Variants in TIPRL observed in about 807,000 individuals in gnomAD.
The protein encoded by TIPRL is TOR signaling pathway regulator, also known as TIP41-like protein.
In TIPRL, 10 loss-of-function variants were observed where a neutral mutation model predicts 32.3. The ratio of observed to expected loss-of-function variants is 0.31; its 90% CI spans 0.19 to 0.52. TIPRL has a LOEUF of 0.52. TIPRL is among the 20% of genes least tolerant of loss of function. TIPRL has a pLI of 0.96. For synonymous variants in TIPRL, 100 were observed against 114.0 expected, an observed-to-expected ratio of 0.88 and a Z score of 0.78; for missense variants, 250 against 328.1, an observed-to-expected ratio of 0.76 and a Z score of 1.84.
intron 1 of TIPRL, among the ~76,000 whole-genome samples, chr1:168,181,360 C>A (rs948172957): frequency 6.6e-6 from 1 of 151,412 alleles, no homozygotes; most frequent in Non-Finnish European, 1.5e-5. Context: ...TACAGGCATG[C>A]ATCACCACGC....
At chr1:168,198,794 G>C (rs1467311082) in intron 5 of TIPRL, 125 bp from the exon 6 acceptor site, 3 of 756,094 alleles carry the variant, frequency 4.0e-6, no homozygotes, top group Non-Finnish European at 6.6e-6. Context: ...AGAACAAGAT[G>C]TTCTCTTTAG....
chr1:168,184,092 G>T lies in TIPRL; in HGVS notation c.284+11G>T. On this transcript the variant is annotated intron_variant, in intron 2 of 6. Coordinates refer to ENST00000367833, the MANE Select transcript of TIPRL (RefSeq NM_152902.5). ...GTGGCAAGAAAGCAGGTGAGAATCC[G>T]GTCAATTAGGTTAAACAAAAAAGGT... 6.3e-7 allele frequency: 1 copy of T among 1,591,414 alleles called. No homozygotes were observed. Among genetic ancestry groups the T allele is most frequent in the South Asian group, 1.1e-5 (1 of 88,540 alleles).
At chr1:168,197,294 A>G (rs1307085845) in intron 5 of TIPRL, among the ~76,000 whole-genome samples, 1 of 152,078 alleles carries the variant, frequency 6.6e-6, no homozygotes, top group African/African-American at 2.4e-5. Flanking sequence ...AAAGAAAAAA[A>G]AAAAAAAGAA....
At position 168,184,084 on chromosome 1, in the gene TIPRL, G is replaced by A; in HGVS notation, c.284+3G>A. The A allele has an allele frequency of 6.2e-7, 1 of 1,602,224 alleles. No individual in the cohort carries two copies. The highest frequency in any genetic ancestry group is 8.5e-7 in the Non-Finnish European group (1 of 1,171,078). ...GCTGAAGAGTGGCAAGAAAGCAGGT[G>A]AGAATCCGGTCAATTAGGTTAAACA... On this transcript the variant is annotated splice_donor_region_variant and intron_variant, in intron 2 of 6. Transcript: ENST00000367833.
chr1:168,182,696 T>G (rs1252559386), intron 1 of TIPRL, among the ~76,000 whole-genome samples: 1 of 152,230 alleles, frequency 6.6e-6, no homozygotes, highest in Non-Finnish European at 1.5e-5. Flanking sequence ...GACTGTAAAT[T>G]AGTAACAGTG....
At chr1:168,198,042 T>C (rs1011498148) in intron 5 of TIPRL, among the ~76,000 whole-genome samples, 2 of 152,118 alleles carry the variant, frequency 1.3e-5, no homozygotes, top group Admixed American at 1.3e-4. Context: ...AAATTGTTTA[T>C]ATCCATATGG....
Position 168,200,455 on chromosome 1 carries a change from T to C in TIPRL, c.*409T>C, listed in dbSNP as rs1410202015. ...GGATTCCTGATCATGCATGTTGATG[T>C]ACTGGCTCTTCACTTTGGGCTTTCT... On this transcript the variant is annotated 3_prime_UTR_variant, in exon 7 of 7. Transcript: ENST00000367833. The C allele has an allele frequency of 6.4e-6, 1 of 156,506 alleles. No homozygotes were observed. The highest frequency in any genetic ancestry group is 6.3e-5 in the Admixed American group (1 of 15,766). 9.7% of individuals were successfully genotyped at this position (156,506 alleles called of 1,614,324 possible).
At chr1:168,198,708 A>G (rs1051196012) in intron 5 of TIPRL, among the ~76,000 whole-genome samples, 4 of 152,288 alleles carry the variant, frequency 2.6e-5, no homozygotes, top group African/African-American at 9.6e-5. Context: ...CTGTTTACAT[A>G]TGTGTATCAT....
At position 168,200,081 on chromosome 1, in the gene TIPRL, A is replaced by T; in HGVS notation, c.*35A>T. On this transcript the variant is annotated 3_prime_UTR_variant, in exon 7 of 7. Transcript: ENST00000367833. ...CAACATATACTCACTATGGAATCTG[A>T]CTGGACACCTTGGCTATTTGTAAGG... The T allele has an allele frequency of 6.2e-7, 1 of 1,600,894 alleles. No homozygotes were observed.
intron 1 of TIPRL, among the ~76,000 whole-genome samples, chr1:168,179,571 C>A (rs1263513825): frequency 6.6e-6 from 1 of 152,082 alleles, no homozygotes; most frequent in Non-Finnish European, 1.5e-5. Context: ...GTGCTGTGCC[C>A]GGCGCTTGAG....
chr1:168,192,893 C>A (rs1355059903), intron 4 of TIPRL, among the ~76,000 whole-genome samples: 1 of 151,798 alleles, frequency 6.6e-6, no homozygotes, highest in Non-Finnish European at 1.5e-5. Flanking sequence ...TCAAAACAAA[C>A]AAACAAACAA....
intron 5 of TIPRL, 86 bp downstream of exon 5, chr1:168,196,728 ACAAT>A (rs1435149309): frequency 2.1e-6 from 2 of 946,594 alleles, no homozygotes; most frequent in Non-Finnish European, 1.5e-6. Context: ...TTGAAATTAA[ACAAT>A]CTATATTATA....
intron 1 of TIPRL, among the ~76,000 whole-genome samples, chr1:168,181,377 A>G (rs1699960785): frequency 6.6e-6 from 1 of 150,716 alleles, no homozygotes; most frequent in Non-Finnish European, 1.5e-5. Context: ...ACGCCCAGCT[A>G]ATTTTGTATT....
At position 168,179,032 on chromosome 1, in the gene TIPRL, C is replaced by T. The variant is rs1558160754; in HGVS notation, c.-46C>T. On this transcript the variant is annotated 5_prime_UTR_variant, in exon 1 of 7. Transcript: ENST00000367833. ...GAGGAACCGGTGTTCGCCGCCGCCG[C>T]TGCTTCAGCTTATTCCTTGTGGCCT... 5 of 1,552,400 alleles carry T rather than the reference C, an allele frequency of 3.2e-6. No homozygotes were observed. The highest frequency in any genetic ancestry group is 1.4e-5 in the African/African-American group (1 of 73,374).
At chr1:168,199,212 C>G (rs1013055684) in intron 6 of TIPRL, among the ~76,000 whole-genome samples, 2 of 152,100 alleles carry the variant, frequency 1.3e-5, no homozygotes, top group Non-Finnish European at 2.9e-5. Flanking sequence ...CTAATTTTCA[C>G]ATTTTGTTCT....
intron 1 of TIPRL, among the ~76,000 whole-genome samples, chr1:168,182,670 A>G (rs1054509976): frequency 6.6e-6 from 1 of 152,198 alleles, no homozygotes; most frequent in African/African-American, 2.4e-5. Context: ...GAAACTCTAT[A>G]TTTAGAACAC....
intron 1 of TIPRL, among the ~76,000 whole-genome samples, chr1:168,179,528 G>T (rs1315951921): frequency 2.6e-5 from 4 of 152,142 alleles, no homozygotes; most frequent in South Asian, 2.1e-4. Flanking sequence ...TAATGACGGG[G>T]ATGATTTATA....
rs1700200303 is a variant in TIPRL at position 168,200,716 on chromosome 1, G to A, written c.*670G>A. ...TATGGTTTACCACTGTGTGTGTGTA[G>A]GATGTTAGAATTATCTGTCCTCCAT... On this transcript the variant is annotated 3_prime_UTR_variant, in exon 7 of 7. Coordinates refer to ENST00000367833, the MANE Select transcript of TIPRL (RefSeq NM_152902.5). The A allele has an allele frequency of 6.6e-6, 1 of 151,978 alleles. No homozygotes were observed. The highest frequency in any genetic ancestry group is 2.4e-5 in the African/African-American group (1 of 41,378). The allele number at this position is 151,978 out of a possible 1,614,324, so 9.4% of individuals were successfully genotyped here. A position where few individuals can be genotyped will look rare whatever the true frequency, so the allele number is the denominator to read the frequency against.
At chr1:168,196,221 C>T (rs1235844456) in intron 4 of TIPRL, among the ~76,000 whole-genome samples, 2 of 152,160 alleles carry the variant, frequency 1.3e-5, no homozygotes, top group African/African-American at 4.8e-5. Context: ...TTGACATTTA[C>T]TATCAGTACC....
Sources: gnomAD v4.1 joint callset for allele counts (sites outside exome capture counted in the v4.1 genomes callset) on GRCh38, gnomAD v4.1.1 for gene constraint, MANE v1.5 for transcripts, NCBI Gene and HGNC (gene_info 2026-07-23, HGNC 2026-07-21) for gene names.